The following KATNBL1 variants were observed in gnomAD, a reference collection of about 807,000 sequenced individuals.
KATNBL1 encodes the protein katanin regulatory subunit B1 like 1.
KATNBL1 carries 28 observed loss-of-function variants against 44.7 expected under a neutral mutation model. The ratio of observed to expected loss-of-function variants is 0.63; its 90% CI spans 0.46 to 0.86. The LOEUF is 0.86. Ranked by LOEUF, KATNBL1 falls within the 40% of genes least tolerant of loss-of-function variation. The probability of loss-of-function intolerance (pLI) is 0.00; values close to 1 mark genes in which losing one functional copy is unlikely to be tolerated. For synonymous variants in KATNBL1, 78 were observed against 114.9 expected (o/e 0.68, Z 2.06); for missense variants, 272 against 350.7 (o/e 0.78, Z 1.79).
chr15:34,194,194 G>T (rs1323587744), intron 1 of KATNBL1, among the ~76,000 whole-genome samples: 1 of 152,164 alleles, frequency 6.6e-6, no homozygotes, highest in African/African-American at 2.4e-5. Flanking sequence ...CCTGCCTTGG[G>T]CTCACAAAGT....
chr15:34,146,745 T>G lies in KATNBL1; in HGVS notation c.788+16A>C. On this transcript the variant is annotated intron_variant, in intron 8 of 9. Transcript: ENST00000256544. ...AGAAAATTTCAGCATGAGTTTATCTTTAAAGGTATACTCACCCATCATTTA... is the reference window on the plus strand; with the variant it reads ...AGAAAATTTCAGCATGAGTTTATCTGTAAAGGTATACTCACCCATCATTTA... The G allele has an allele frequency of 6.9e-7, 1 of 1,459,716 alleles. No homozygotes were observed. Among genetic ancestry groups the G allele is most frequent in the Non-Finnish European group, 9.6e-7 (1 of 1,040,868 alleles). 90.4% of individuals were successfully genotyped at this position (1,459,716 alleles called of 1,614,324 possible). A position where few individuals can be genotyped will look rare whatever the true frequency, so the allele number is the denominator to read the frequency against.
intron 1 of KATNBL1, among the ~76,000 whole-genome samples, chr15:34,197,153 C>T (rs1328035894): frequency 2.6e-5 from 4 of 152,188 alleles, no homozygotes; most frequent in Non-Finnish European, 5.9e-5. Flanking sequence ...GTCTTGTCAA[C>T]GTTTTTACCT....
intron 2 of KATNBL1, among the ~76,000 whole-genome samples, chr15:34,154,993 G>A (rs1165354496): frequency 2.6e-5 from 4 of 152,088 alleles, no homozygotes; most frequent in African/African-American, 9.7e-5. Flanking sequence ...TAGGCAGGAA[G>A]GATGGTTACA....
intron 1 of KATNBL1, among the ~76,000 whole-genome samples, chr15:34,164,333 T>C (rs1416356643): frequency 6.6e-6 from 1 of 151,544 alleles, no homozygotes; most frequent in Non-Finnish European, 1.5e-5. Flanking sequence ...GTGTATAAGG[T>C]GGTGGTATCT....
chr15:34,191,716 G>C (rs1361877797), intron 1 of KATNBL1, among the ~76,000 whole-genome samples: 1 of 151,978 alleles, frequency 6.6e-6, no homozygotes, highest in Admixed American at 6.6e-5. Context: ...GGGAGGCCGA[G>C]GTGGGCGGAT....
intron 9 of KATNBL1, among the ~76,000 whole-genome samples, chr15:34,144,260 T>C (rs1177500661): frequency 6.6e-6 from 1 of 151,900 alleles, no homozygotes; most frequent in East Asian, 1.9e-4. Context: ...TGAACTTATC[T>C]TGGAGTAGAA....
chr15:34,157,969 T>C (rs569954906), intron 2 of KATNBL1, among the ~76,000 whole-genome samples: 61 of 152,318 alleles, frequency 4.0e-4, no homozygotes, highest in African/African-American at 1.3e-3. Flanking sequence ...TGAAAGGAAA[T>C]AGCTTCTACC....
At chr15:34,191,471 T>C (rs1001453652) in intron 1 of KATNBL1, among the ~76,000 whole-genome samples, 3 of 152,096 alleles carry the variant, frequency 2.0e-5, no homozygotes, top group African/African-American at 4.8e-5. Context: ...CTGGGTTTTA[T>C]GGTAGGTGTA....
Position 34,150,889 on chromosome 15 carries a change from G to A in KATNBL1, c.438+1901C>T, listed in dbSNP as rs1472098556. Reference sequence around the variant, plus strand: ...TGGTTTTCTGTTCCTGTATTAGTTCGCTTAGGATAATGGCCTCCAGGTTCA... The same window carrying A: ...TGGTTTTCTGTTCCTGTATTAGTTCACTTAGGATAATGGCCTCCAGGTTCA... On this transcript the variant is annotated intron_variant, in intron 4 of 9. Coordinates refer to ENST00000256544, the MANE Select transcript of KATNBL1 (RefSeq NM_024713.3). 5.3e-5 allele frequency among the ~76,000 whole-genome samples: 8 copies of A among 152,202 alleles called. No homozygotes were observed. In the South Asian group the frequency reaches 6.2e-4, roughly 12 times the overall value.
At chr15:34,205,133 A>G (rs1890261921) in intron 1 of KATNBL1, among the ~76,000 whole-genome samples, 1 of 152,046 alleles carries the variant, frequency 6.6e-6, no homozygotes, top group South Asian at 2.1e-4. Context: ...AGCTGGGGCT[A>G]CAGGTGTGCA....
At chr15:34,180,565 T>C (rs1889488254) in intron 1 of KATNBL1, among the ~76,000 whole-genome samples, 1 of 152,208 alleles carries the variant, frequency 6.6e-6, no homozygotes, top group Non-Finnish European at 1.5e-5. Flanking sequence ...ACCCAGGTCT[T>C]CTTTAATTTC....
Position 34,141,940 on chromosome 15 carries a change from T to A in KATNBL1, c.*399A>T. On this transcript the variant is annotated 3_prime_UTR_variant, in exon 10 of 10. Transcript: ENST00000256544. ...TTAATAAAACACAATCTTAAAAAAGTTAATGATGATTGGTCTTGGTGGTTC... is the reference window on the plus strand; with the variant it reads ...TTAATAAAACACAATCTTAAAAAAGATAATGATGATTGGTCTTGGTGGTTC... The A allele has an allele frequency of 6.4e-6, 1 of 156,014 alleles. No individual in the cohort carries two copies. The highest frequency in any genetic ancestry group is 1.4e-5 in the Non-Finnish European group (1 of 70,396). 9.7% of individuals were successfully genotyped at this position (156,014 alleles called of 1,614,324 possible). A position where few individuals can be genotyped will look rare whatever the true frequency, so the allele number is the denominator to read the frequency against.
In KATNBL1 at chr15:34,145,451, C is replaced by A; in HGVS notation, c.829G>T (p.Glu277Ter). The A allele has an allele frequency of 6.8e-7, 1 of 1,463,400 alleles. No individual in the cohort carries two copies. Among genetic ancestry groups the A allele is most frequent in the South Asian group, 1.6e-5 (1 of 62,754 alleles). 90.7% of individuals were successfully genotyped at this position (1,463,400 alleles called of 1,614,324 possible). A position where few individuals can be genotyped will look rare whatever the true frequency, so the allele number is the denominator to read the frequency against. ...ILKQQLSGLWEQENHLTLVPG... is the reference protein window; with the variant it reads ...ILKQQLSGLW ...ACCAAAGTAAGATGGTTTTCCTGTT[C>A]CCATAATCCACTTAATTGTTGTTTT... The change falls in exon 9 of 10, where the codon GAA (glutamate) becomes TAA (stop). Residue 277 changes from glutamate (E) to a stop codon, truncating the protein, a stop_gained. Coordinates refer to ENST00000256544, the MANE Select transcript of KATNBL1 (RefSeq NM_024713.3). LOFTEE classifies it high-confidence loss of function.
At chr15:34,190,737 T>C (rs1442836292) in intron 1 of KATNBL1, among the ~76,000 whole-genome samples, 1 of 152,182 alleles carries the variant, frequency 6.6e-6, no homozygotes, top group Non-Finnish European at 1.5e-5. Context: ...AATCCTGATA[T>C]GATACAACAG....
intron 1 of KATNBL1, among the ~76,000 whole-genome samples, chr15:34,183,264 T>C (rs770924299): frequency 3.3e-5 from 5 of 152,214 alleles, no homozygotes; most frequent in African/African-American, 9.6e-5. Context: ...GTACCCTTTG[T>C]ATGCAATGAT....
At chr15:34,153,529 A>C (rs1428630109) in intron 3 of KATNBL1, among the ~76,000 whole-genome samples, 1 of 152,210 alleles carries the variant, frequency 6.6e-6, no homozygotes, top group Admixed American at 6.5e-5. Flanking sequence ...CAAACGTTTT[A>C]GTGTCACGAT....
chr15:34,188,927 A>G (rs1342205423), intron 1 of KATNBL1, among the ~76,000 whole-genome samples: 6 of 152,274 alleles, frequency 3.9e-5, no homozygotes, highest in African/African-American at 1.2e-4. Context: ...ACAATTGACA[A>G]GGACATTTGG....
intron 2 of KATNBL1, 61 bp downstream of exon 2, chr15:34,163,499 G>A: frequency 6.5e-7 from 1 of 1,538,426 alleles, no homozygotes; most frequent in Non-Finnish European, 8.7e-7. Context: ...TTCAACCAGA[G>A]ATATCTAGAG....
intron 1 of KATNBL1, among the ~76,000 whole-genome samples, chr15:34,167,659 T>C (rs1463170508): frequency 6.6e-6 from 1 of 151,564 alleles, no homozygotes; most frequent in Non-Finnish European, 1.5e-5. Context: ...CTCACTAAGG[T>C]TGAAATGAAG....
Sources: allele counts gnomAD v4.1 joint callset (sites outside exome capture counted in the v4.1 genomes callset), GRCh38; gene constraint gnomAD v4.1.1; transcripts MANE v1.5; gene names NCBI Gene and HGNC (gene_info 2026-07-23, HGNC 2026-07-21).